The following EYA4 variants were observed in gnomAD, a reference collection of about 807,000 sequenced individuals.
EYA4 encodes protein phosphatase EYA4.
A neutral mutation model predicts 87.9 loss-of-function variants in EYA4; 31 were observed. The ratio of observed to expected loss-of-function variants is 0.35; its 90% CI spans 0.27 to 0.48. EYA4 has a LOEUF of 0.48. Among genes scored for constraint, EYA4 ranks in the 20% least tolerant of loss-of-function variants. The probability of loss-of-function intolerance (pLI) is 0.99; values close to 1 mark genes in which losing one functional copy is unlikely to be tolerated. For synonymous variants in EYA4, 263 were observed against 270.6 expected (o/e 0.97, Z 0.28); for missense variants, 678 against 761.4 (o/e 0.89, Z 1.29).
chr6:133,286,275 T>C (rs1429526361), intron 2 of EYA4, among the ~76,000 whole-genome samples: 1 of 152,204 alleles, frequency 6.6e-6, no homozygotes, highest in Admixed American at 6.5e-5. Flanking sequence ...TAAACGCATG[T>C]GAAATTTTAC....
At chr6:133,336,479 T>C (rs1347361500) in intron 2 of EYA4, among the ~76,000 whole-genome samples, 1 of 152,130 alleles carries the variant, frequency 6.6e-6, no homozygotes, top group East Asian at 1.9e-4. Context: ...CTGTAGAGAA[T>C]GTAAGAAATG....
intron 11 of EYA4, among the ~76,000 whole-genome samples, chr6:133,475,143 T>A (rs1795613947): frequency 6.6e-6 from 1 of 152,130 alleles, no homozygotes; most frequent in African/African-American, 2.4e-5. Flanking sequence ...TTATTTAATT[T>A]ACCTTATTAG....
In EYA4 at chr6:133,530,322, CGTT is replaced by C. The variant is rs1800935204; in HGVS notation, c.*1520_*1522del. ...ATTCATTACAAGAAGAGCCCATCAT[CGTT>C]GTGTTTGCATGGTTTTTTTCCTTGT... is the stretch of plus-strand genomic sequence containing the variant. On this transcript the variant is annotated 3_prime_UTR_variant, in exon 20 of 20. Coordinates refer to ENST00000355286, the MANE Select transcript of EYA4 (RefSeq NM_004100.5). 2 of 985,286 alleles carry C rather than the reference CGTT, an allele frequency of 2.0e-6. No individual in the cohort carries two copies. The highest frequency in any genetic ancestry group is 4.7e-5 in the South Asian group (1 of 21,292). 61.0% of individuals were successfully genotyped at this position (985,286 alleles called of 1,614,324 possible). A position where few individuals can be genotyped will look rare whatever the true frequency, so the allele number is the denominator to read the frequency against.
At position 133,385,389 on chromosome 6, in the gene EYA4, CTCTGTGTGTG is replaced by C. The variant is rs1398273916; in HGVS notation, c.83+2950_83+2959del. 4.4e-3 allele frequency among the ~76,000 whole-genome samples: 288 copies of C among 64,966 alleles called. 20 individuals are homozygous for C. The highest frequency in any genetic ancestry group is 0.013 in the South Asian group (15 of 1,170). 42.6% of individuals were successfully genotyped at this position (64,966 alleles called of 152,430 possible). Reference sequence around the variant, plus strand: ...TCCTCTGTGTGTGTATGTATGCTCTCTCTGTGTGTGTGTGTGTGTGTGTGTGTGTGTGTGT... The same window carrying C: ...TCCTCTGTGTGTGTATGTATGCTCTCTGTGTGTGTGTGTGTGTGTGTGTGT... On this transcript the variant is annotated intron_variant, in intron 3 of 19. Transcript: ENST00000355286.
At chr6:133,435,883 C>A (rs544627682) in intron 3 of EYA4, among the ~76,000 whole-genome samples, 95 of 151,604 alleles carry the variant, frequency 6.3e-4, no homozygotes, top group African/African-American at 9.7e-4. Context: ...ACACACACAC[C>A]CCCCCTCACT....
intron 1 of EYA4, among the ~76,000 whole-genome samples, chr6:133,261,928 T>C (rs1775828088): frequency 6.6e-6 from 1 of 152,216 alleles, no homozygotes; most frequent in Non-Finnish European, 1.5e-5. Flanking sequence ...GACAGTGATA[T>C]TTAGAGATAT....
intron 1 of EYA4, among the ~76,000 whole-genome samples, chr6:133,244,183 C>G (rs1038538686): frequency 6.6e-6 from 1 of 152,076 alleles, no homozygotes; most frequent in African/African-American, 2.4e-5. Flanking sequence ...AGCCTGTTTT[C>G]CTTTGTAAAT....
intron 14 of EYA4, among the ~76,000 whole-genome samples, chr6:133,511,898 G>A (rs910063428): frequency 2.8e-4 from 43 of 151,708 alleles, no homozygotes; most frequent in East Asian, 2.3e-3. Context: ...GGAGAATGGC[G>A]TGAACCCAGG....
chr6:133,480,949 G>C (rs1583409033), intron 11 of EYA4, among the ~76,000 whole-genome samples: 1 of 152,008 alleles, frequency 6.6e-6, no homozygotes, highest in Middle Eastern at 3.4e-3. Flanking sequence ...GAGGTGGAAG[G>C]GAAAATGGGA....
chr6:133,248,739 G>A (rs1045030468), intron 1 of EYA4: 3 of 152,126 alleles, frequency 2.0e-5, no homozygotes, highest in African/African-American at 4.8e-5. Context: ...ATTTAATGAC[G>A]TTGTAGGTGA....
At chr6:133,321,675 C>T (rs1781101929) in intron 2 of EYA4, among the ~76,000 whole-genome samples, 1 of 152,106 alleles carries the variant, frequency 6.6e-6, no homozygotes, top group Admixed American at 6.6e-5. Flanking sequence ...GAATGTATTT[C>T]TGTGTGTTTT....
chr6:133,406,069 A>T (rs1788681645), intron 3 of EYA4, among the ~76,000 whole-genome samples: 1 of 152,070 alleles, frequency 6.6e-6, no homozygotes, highest in South Asian at 2.1e-4. Context: ...ATTTAGTAAC[A>T]TTGTATCAGA....
At chr6:133,371,368 T>A (rs1344525247) in intron 2 of EYA4, among the ~76,000 whole-genome samples, 2 of 152,226 alleles carry the variant, frequency 1.3e-5, no homozygotes, top group African/African-American at 4.8e-5. Context: ...AGTTTCCCAC[T>A]TCTTTTCTGA....
intron 2 of EYA4, among the ~76,000 whole-genome samples, chr6:133,294,521 T>C (rs1312519756): frequency 6.6e-6 from 1 of 151,856 alleles, no homozygotes; most frequent in African/African-American, 2.4e-5. Context: ...CTGCTCAGTC[T>C]CTTGCCCTTT....
At chr6:133,477,190 G>A (rs570007523) in intron 11 of EYA4, among the ~76,000 whole-genome samples, 5 of 152,066 alleles carry the variant, frequency 3.3e-5, no homozygotes, top group African/African-American at 9.6e-5. Context: ...TCTTTATAGC[G>A]ATGTGAAAAT....
At chr6:133,294,460 C>A (rs1778795537) in intron 2 of EYA4, among the ~76,000 whole-genome samples, 1 of 150,306 alleles carries the variant, frequency 6.7e-6, no homozygotes, top group Admixed American at 6.7e-5. Context: ...CTCCTGGGTT[C>A]AGGTGGTCGT....
chr6:133,258,563 A>G lies in EYA4; in HGVS notation c.-65-16153A>G, dbSNP rs77466381. 7.4e-3 allele frequency among the ~76,000 whole-genome samples: 1,123 copies of G among 152,240 alleles called. 21 individuals carry two copies. Among genetic ancestry groups the G allele is most frequent in the African/African-American group, 0.026 (1,076 of 41,530 alleles). On this transcript the variant is annotated intron_variant, in intron 1 of 19. Transcript: ENST00000355286. ...CAGTACCCTGTAACAGAGACTTCAG[A>G]GTACGTAGTGATGACACCTGCCCTC...
At chr6:133,490,906 A>G (rs955514996) in intron 13 of EYA4, among the ~76,000 whole-genome samples, 6 of 152,224 alleles carry the variant, frequency 3.9e-5, no homozygotes, top group African/African-American at 1.4e-4. Context: ...TGCAGAATAT[A>G]CATTCTTCTC....
intron 2 of EYA4, among the ~76,000 whole-genome samples, chr6:133,316,710 T>C (rs1405682315): frequency 1.3e-5 from 2 of 152,210 alleles, no homozygotes; most frequent in African/African-American, 2.4e-5. Context: ...ATGCATAAAG[T>C]GTCCATCTCT....
Sources: allele counts gnomAD v4.1 joint callset (sites outside exome capture counted in the v4.1 genomes callset), GRCh38; gene constraint gnomAD v4.1.1; transcripts MANE v1.5; gene names NCBI Gene and HGNC (gene_info 2026-07-23, HGNC 2026-07-21).